ARID3C: variants seen among roughly 807,000 people sequenced by gnomAD.
The protein encoded by ARID3C is AT-rich interactive domain-containing protein 3C.
ARID3C carries 42 observed loss-of-function variants against 37.9 expected under a neutral mutation model. That is an observed-to-expected ratio of 1.11 (90% confidence interval 0.87 to 1.43). ARID3C has a LOEUF of 1.43. Among genes scored for constraint, ARID3C ranks in the 40% most tolerant of loss-of-function variants. The pLI, the probability that ARID3C is intolerant of heterozygous loss-of-function variation, is 0.00. For synonymous variants in ARID3C, 213 were observed against 228.0 expected, an observed-to-expected ratio of 0.93 and a Z score of 0.59; for missense variants, 581 against 548.8, an observed-to-expected ratio of 1.06 and a Z score of -0.59.
chr9:34,625,849 T>C (rs766480711), intron 1 of ARID3C, 35 bp from the exon 3 acceptor site: 3 of 1,610,946 alleles, frequency 1.9e-6, no homozygotes, highest in Middle Eastern at 1.7e-4. Flanking sequence ...ACAGCTCTGC[T>C]GACTCCCCCT....
chr9:34,632,285 G>A (rs916861117), upstream of ARID3C, among the ~76,000 whole-genome samples: 1 of 152,180 alleles, frequency 6.6e-6, no homozygotes, highest in African/African-American at 2.4e-5. Flanking sequence ...CAGAATAGCA[G>A]GTACAAATAT....
At chr9:34,624,227 G>C (rs1055926918) in intron 2 of ARID3C, among the ~76,000 whole-genome samples, 180 bp from the exon 4 acceptor site, 3 of 150,156 alleles carry the variant, frequency 2.0e-5, no homozygotes, top group African/African-American at 7.3e-5. Flanking sequence ...AACGGGGGGG[G>C]GCAAAGTTCT....
chr9:34,621,283 A>G, downstream of ARID3C: 1 of 488,998 alleles, frequency 2.0e-6, no homozygotes, highest in Non-Finnish European at 3.5e-6. Context: ...CCCTCCCTTT[A>G]CAATGAGGTA....
At chr9:34,623,994 C>A in exon 3 of ARID3C, 6 of 1,602,648 alleles carry the variant, frequency 3.7e-6, no homozygotes, top group African/African-American at 1.3e-5. Context: ...CGAAACAGAG[C>A]GTACAGGTCG....
upstream of ARID3C, chr9:34,628,124 C>T: frequency 7.4e-7 from 1 of 1,353,186 alleles, no homozygotes; most frequent in Non-Finnish European, 9.7e-7. This position sits in a 1 kb window ranked among gnomAD's most constrained non-coding sequence, Gnocchi z 5.2. Context: ...GGCCCTACTG[C>T]CCCCAGAGCC....
At chr9:34,627,899 T>C (rs1183663984) in exon 1 of ARID3C, 2 of 1,562,920 alleles carry the variant, frequency 1.3e-6, no homozygotes, top group African/African-American at 2.7e-5. Context: ...CTCAGGGGCC[T>C]GTAGGGTCCG....
intron 5 of ARID3C, 81 bp from the exon 7 acceptor site, chr9:34,622,190 C>T (rs1444522048): frequency 1.1e-5 from 17 of 1,585,350 alleles, no homozygotes; most frequent in African/African-American, 8.1e-5. Flanking sequence ...CCTCCATCCC[C>T]GTAGACAGCC....
rs888520523 is a variant in ARID3C at position 34,622,346 on chromosome 9, C to T, written c.1048+1G>A. On this transcript the variant is annotated splice_donor_variant, in intron 5 of 6. Transcript: ENST00000378909. LOFTEE classifies it high-confidence loss of function. ...CCCCCTCACAACAAGCCCCTCCTCA[C>T]CCCTCAGGGGAACCTTGCCACGGGG... is the stretch of plus-strand genomic sequence containing the variant. 6.2e-7 allele frequency: 1 copy of T among 1,604,298 alleles called. No individual in the cohort carries two copies. The highest frequency in any genetic ancestry group is 1.7e-5 in the Admixed American group (1 of 59,072).
At chr9:34,626,529 C>T (rs113032186) in intron 1 of ARID3C, among the ~76,000 whole-genome samples, 6 of 152,130 alleles carry the variant, frequency 3.9e-5, no homozygotes, top group African/African-American at 7.2e-5. Flanking sequence ...CATCAACTCC[C>T]GAATACTAGT....
At chr9:34,623,800 TC>T (rs1225227356) in intron 3 of ARID3C, 63 bp downstream of exon 4, 32 of 1,218,134 alleles carry the variant, frequency 2.6e-5, no homozygotes, top group Non-Finnish European at 3.3e-5. Context: ...CCGGGGACCC[TC>T]CCCCCTCCCG....
upstream of ARID3C, among the ~76,000 whole-genome samples, chr9:34,630,519 A>C (rs1245997413): frequency 1.3e-5 from 2 of 151,540 alleles, no homozygotes; most frequent in Non-Finnish European, 2.9e-5. Flanking sequence ...CTGACCTCAC[A>C]CCCCCAGAAG....
chr9:34,625,003 G>A (rs1055399880), intron 2 of ARID3C, among the ~76,000 whole-genome samples: 2 of 150,496 alleles, frequency 1.3e-5, no homozygotes, highest in African/African-American at 2.4e-5. Flanking sequence ...TAAGGGACCA[G>A]AAAGAGGTGC....
intron 2 of ARID3C, 63 bp from the exon 4 acceptor site, chr9:34,624,110 G>A: frequency 6.7e-7 from 1 of 1,499,620 alleles, no homozygotes; most frequent in Non-Finnish European, 8.9e-7. Context: ...GCATCCCCAG[G>A]GACTGATACA....
intron 1 of ARID3C, among the ~76,000 whole-genome samples, chr9:34,627,201 A>G (rs1301469071): frequency 6.6e-6 from 1 of 152,194 alleles, no homozygotes; most frequent in Non-Finnish European, 1.5e-5. Context: ...CAGCCTGCCA[A>G]GTGAGTGATA....
intron 2 of ARID3C, among the ~76,000 whole-genome samples, chr9:34,624,646 C>A (rs1218035841): frequency 6.6e-6 from 1 of 152,230 alleles, no homozygotes; most frequent in Non-Finnish European, 1.5e-5. Flanking sequence ...GCCCGCGCCG[C>A]CCCCGCCGGC....
exon 6 of ARID3C, chr9:34,622,086 T>G (rs781144033): frequency 9.9e-6 from 16 of 1,613,960 alleles, no homozygotes; most frequent in African/African-American, 4.0e-5. Context: ...CCTGCCAGAT[T>G]AAGAGGCCCA....
At chr9:34,621,997 T>C (rs368172269) in intron 6 of ARID3C, 23 bp downstream of exon 7, 28 of 1,610,908 alleles carry the variant, frequency 1.7e-5, no homozygotes, top group Non-Finnish European at 2.4e-5. Flanking sequence ...CATGCCAGTG[T>C]AGACAGCCTG....
At chr9:34,627,098 G>T (rs1334102329) in intron 1 of ARID3C, among the ~76,000 whole-genome samples, 1 of 152,200 alleles carries the variant, frequency 6.6e-6, no homozygotes, top group African/African-American at 2.4e-5. Flanking sequence ...GCCATCCCAG[G>T]CTGGGAACTA....
intron 2 of ARID3C, among the ~76,000 whole-genome samples, chr9:34,625,177 T>C (rs750694659): frequency 2.4e-4 from 36 of 152,120 alleles, no homozygotes; most frequent in African/African-American, 8.7e-4. Context: ...TTCGGTCCCA[T>C]GAATCTGGGA....
Sources: gnomAD v4.1 joint callset for allele counts (sites outside exome capture counted in the v4.1 genomes callset) on GRCh38, gnomAD v4.1.1 for gene constraint, Gnocchi (gnomAD v3.1) non-coding constraint, MANE v1.5 for transcripts, NCBI Gene and HGNC (gene_info 2026-07-23, HGNC 2026-07-21) for gene names.